CCDC6: variants seen among roughly 807,000 people sequenced by gnomAD.
CCDC6 encodes coiled-coil domain-containing protein 6.
Under a neutral mutation model 56.6 loss-of-function variants are expected in CCDC6, and 20 were observed. The observed-to-expected ratio is 0.35, with a 90% CI of 0.25 to 0.51. The LOEUF (loss-of-function observed/expected upper bound fraction) is 0.51. Among genes scored for constraint, CCDC6 ranks in the 20% least tolerant of loss-of-function variants. The pLI, the probability that CCDC6 is intolerant of heterozygous loss-of-function variation, is 0.95. For synonymous variants in CCDC6, 241 were observed against 234.4 expected (o/e 1.03, Z -0.26); for missense variants, 367 against 601.1 (o/e 0.61, Z 4.07).
At chr10:59,796,573 T>G (rs189270465) in intron 7 of CCDC6, among the ~76,000 whole-genome samples, 128 of 152,282 alleles carry the variant, frequency 8.4e-4, no homozygotes, top group African/African-American at 3.0e-3. Flanking sequence ...TACCACATGA[T>G]CTAGCAATCC....
chr10:59,883,510 T>C (rs993112497), intron 1 of CCDC6, among the ~76,000 whole-genome samples: 6 of 152,210 alleles, frequency 3.9e-5, no homozygotes, highest in African/African-American at 1.4e-4. Context: ...GTCTAGACTT[T>C]TTCTTCTCTT....
intron 1 of CCDC6, among the ~76,000 whole-genome samples, chr10:59,882,991 G>A (rs1057466808): frequency 4.0e-5 from 6 of 151,824 alleles, no homozygotes; most frequent in Non-Finnish European, 8.8e-5. Flanking sequence ...TAGGTGAGGG[G>A]TGTAAGGGTG....
At chr10:59,868,619 T>C (rs2071198401) in intron 1 of CCDC6, among the ~76,000 whole-genome samples, 1 of 152,216 alleles carries the variant, frequency 6.6e-6, no homozygotes, top group Non-Finnish European at 1.5e-5. Context: ...ACAACTCTAA[T>C]TTAACTTTAT....
chr10:59,840,690 G>A (rs1008329777), intron 2 of CCDC6, among the ~76,000 whole-genome samples: 2 of 152,074 alleles, frequency 1.3e-5, no homozygotes, highest in Non-Finnish European at 2.9e-5. Flanking sequence ...TACTCCACTT[G>A]CTGTCTTTTC....
intron 3 of CCDC6, among the ~76,000 whole-genome samples, chr10:59,816,344 C>G (rs565842528): frequency 6.6e-6 from 1 of 152,150 alleles, no homozygotes; most frequent in Non-Finnish European, 1.5e-5. Flanking sequence ...TTTCTCCTCT[C>G]AAAGCCATAA....
chr10:59,819,727 G>T (rs532247960), intron 3 of CCDC6, among the ~76,000 whole-genome samples: 1 of 152,102 alleles, frequency 6.6e-6, no homozygotes, highest in African/African-American at 2.4e-5. Context: ...ATCCTTCCTA[G>T]TATCATCTGA....
intron 2 of CCDC6, among the ~76,000 whole-genome samples, chr10:59,841,391 T>A (rs4948374): frequency 3.8e-4 from 58 of 152,170 alleles, no homozygotes; most frequent in Admixed American, 6.5e-4. Flanking sequence ...GGCACTTAAT[T>A]CCTTCTCTTG....
chr10:59,838,717 G>A (rs2070907966), intron 2 of CCDC6, among the ~76,000 whole-genome samples: 1 of 152,090 alleles, frequency 6.6e-6, no homozygotes, highest in African/African-American at 2.4e-5. Context: ...GACCATACTG[G>A]TCCGGGGCTT....
chr10:59,873,364 A>G (rs1474905530), intron 1 of CCDC6, among the ~76,000 whole-genome samples: 2 of 152,110 alleles, frequency 1.3e-5, no homozygotes. Context: ...GGAGAAGATG[A>G]CCACATGACT....
intron 1 of CCDC6, among the ~76,000 whole-genome samples, chr10:59,872,476 G>A (rs933103929): frequency 2.6e-5 from 4 of 152,150 alleles, no homozygotes; most frequent in African/African-American, 4.8e-5. Flanking sequence ...CTCCTTGCTC[G>A]TGCGAAGGTG....
intron 1 of CCDC6, 31 bp downstream of exon 1, chr10:59,906,091 G>A: frequency 6.5e-7 from 1 of 1,539,568 alleles, no homozygotes. Context: ...GCGGAGGTCG[G>A]CGCTGCGGCG....
chr10:59,862,813 C>T lies in CCDC6; in HGVS notation c.304-10111G>A, dbSNP rs532276229. ...CTTATATAACGTATATGGCAGTGTA[C>T]ATTGGTACAAATATTTTGAAAAACT... On this transcript the variant is annotated intron_variant, in intron 1 of 8. Coordinates refer to ENST00000263102, the MANE Select transcript of CCDC6 (RefSeq NM_005436.5). Among the ~76,000 whole-genome samples the T allele has an allele frequency of 2.0e-5, 3 of 152,006 alleles. No individual in the cohort carries two copies. The South Asian group carries it at 6.2e-4, about 32-fold the overall frequency.
chr10:59,872,055 C>CTTA (rs2071234400), intron 1 of CCDC6, among the ~76,000 whole-genome samples: 1 of 152,180 alleles, frequency 6.6e-6, no homozygotes, highest in Admixed American at 6.5e-5. Context: ...AACCTCTGTG[C>CTTA]TTACACATTT....
intron 3 of CCDC6, among the ~76,000 whole-genome samples, chr10:59,824,912 T>C (rs2070775841): frequency 6.6e-6 from 1 of 152,224 alleles, no homozygotes; most frequent in Non-Finnish European, 1.5e-5. Flanking sequence ...GTATGCATGG[T>C]AGTCACTAAA....
At chr10:59,852,414 A>T in intron 2 of CCDC6, 139 bp downstream of exon 2, 1 of 624,780 alleles carries the variant, frequency 1.6e-6, no homozygotes, top group Non-Finnish European at 2.6e-6. Context: ...TGCCACCCTT[A>T]CCTGGTATTT....
At chr10:59,817,207 G>A (rs868504558) in intron 3 of CCDC6, among the ~76,000 whole-genome samples, 1 of 152,168 alleles carries the variant, frequency 6.6e-6, no homozygotes, top group South Asian at 2.1e-4. Context: ...TTGAGACAAG[G>A]TCTCGCTCTG....
At chr10:59,827,459 A>C (rs1037737667) in intron 3 of CCDC6, among the ~76,000 whole-genome samples, 1 of 152,200 alleles carries the variant, frequency 6.6e-6, no homozygotes, top group Non-Finnish European at 1.5e-5. Context: ...GTACACATGG[A>C]GTGTGAGGAC....
chr10:59,849,993 C>A (rs1239180830), intron 2 of CCDC6, among the ~76,000 whole-genome samples: 1 of 152,182 alleles, frequency 6.6e-6, no homozygotes, highest in Non-Finnish European at 1.5e-5. Context: ...TCCCCTGCTG[C>A]AGCTATGATA....
chr10:59,859,139 G>A (rs1010886684), intron 1 of CCDC6, among the ~76,000 whole-genome samples: 1 of 151,444 alleles, frequency 6.6e-6, no homozygotes, highest in Non-Finnish European at 1.5e-5. Context: ...GAGGGAACAT[G>A]AACACAAGGA....
Sources: gnomAD v4.1 joint callset for allele counts (sites outside exome capture counted in the v4.1 genomes callset) on GRCh38, gnomAD v4.1.1 for gene constraint, MANE v1.5 for transcripts, NCBI Gene and HGNC (gene_info 2026-07-23, HGNC 2026-07-21) for gene names.